The following HTR1F variants were observed in gnomAD, a reference collection of about 807,000 sequenced individuals.
The protein encoded by HTR1F is 5-hydroxytryptamine receptor 1F.
A neutral mutation model predicts 24.0 loss-of-function variants in HTR1F; 17 were observed. The observed-to-expected ratio is 0.71, with a 90% CI of 0.48 to 1.06. The LOEUF (loss-of-function observed/expected upper bound fraction) is 1.06, where lower values mean the gene tolerates loss of function less well. Among genes scored for constraint, HTR1F ranks in the 50% least tolerant of loss-of-function variants. The pLI is 0.00. For synonymous variants in HTR1F, 186 were observed against 156.8 expected, an observed-to-expected ratio of 1.19 and a Z score of -1.39; for missense variants, 391 against 427.8, an observed-to-expected ratio of 0.91 and a Z score of 0.76.
chr3:87,938,039 C>T (rs1704470768), intron 2 of HTR1F, among the ~76,000 whole-genome samples: 1 of 152,068 alleles, frequency 6.6e-6, no homozygotes, highest in Admixed American at 6.6e-5. Flanking sequence ...TGTAGACAGT[C>T]CCACAGTGTA....
chr3:87,906,292 C>T (rs1238286414), intron 2 of HTR1F, among the ~76,000 whole-genome samples: 3 of 151,932 alleles, frequency 2.0e-5, no homozygotes, highest in African/African-American at 7.3e-5. Context: ...TGATACCAAA[C>T]TGTATGTGTT....
intron 2 of HTR1F, among the ~76,000 whole-genome samples, chr3:87,989,158 A>T (rs1057207591): frequency 2.6e-5 from 4 of 152,202 alleles, no homozygotes; most frequent in African/African-American, 9.7e-5. Flanking sequence ...TTTATCAAAG[A>T]TATTAATTCT....
At chr3:87,889,644 G>A (rs1404854005) in intron 2 of HTR1F, among the ~76,000 whole-genome samples, 1 of 152,108 alleles carries the variant, frequency 6.6e-6, no homozygotes, top group African/African-American at 2.4e-5. Flanking sequence ...AGGCCGTCTT[G>A]CCTGATAATC....
intron 2 of HTR1F, among the ~76,000 whole-genome samples, chr3:87,958,537 A>G (rs1476828890): frequency 6.6e-6 from 1 of 151,564 alleles, no homozygotes; most frequent in Non-Finnish European, 1.5e-5. Flanking sequence ...ATTCTAAACA[A>G]ACACTCTTTG....
chr3:87,875,925 A>AT, intron 2 of HTR1F, among the ~76,000 whole-genome samples: 1 of 89,656 alleles, frequency 1.1e-5, no homozygotes, highest in East Asian at 3.3e-4. Flanking sequence ...CTCCGTCTCA[A>AT]AAAAAAAAAA....
intron 2 of HTR1F, among the ~76,000 whole-genome samples, chr3:87,889,505 A>T (rs941044576): frequency 1.3e-5 from 2 of 152,280 alleles, no homozygotes; most frequent in Middle Eastern, 3.4e-3. Flanking sequence ...CATAGAAAAC[A>T]TCTCTTTTTT....
At chr3:87,824,496 C>A (rs1258044638) in intron 2 of HTR1F, among the ~76,000 whole-genome samples, 1 of 152,206 alleles carries the variant, frequency 6.6e-6, no homozygotes, top group Non-Finnish European at 1.5e-5. Flanking sequence ...GTTTCTCTCT[C>A]TATTAGGAAA....
intron 2 of HTR1F, among the ~76,000 whole-genome samples, chr3:87,964,401 A>G (rs1387748122): frequency 6.6e-6 from 1 of 152,170 alleles, no homozygotes. Flanking sequence ...ATTTAGAGTT[A>G]ATCAACGTAG....
At chr3:87,963,353 A>C (rs1705100881) in intron 2 of HTR1F, among the ~76,000 whole-genome samples, 1 of 152,108 alleles carries the variant, frequency 6.6e-6, no homozygotes, top group African/African-American at 2.4e-5. Flanking sequence ...TCCTGCCACA[A>C]CTATCTCTAG....
intron 2 of HTR1F, among the ~76,000 whole-genome samples, chr3:87,900,671 T>C (rs1339353804): frequency 6.6e-6 from 1 of 152,096 alleles, no homozygotes; most frequent in Non-Finnish European, 1.5e-5. Flanking sequence ...CTGAATATAT[T>C]TTAAAGTTAG....
chr3:87,811,635 A>G (rs1272539639), intron 1 of HTR1F, among the ~76,000 whole-genome samples: 1 of 152,174 alleles, frequency 6.6e-6, no homozygotes, highest in East Asian at 1.9e-4. Context: ...TTGAGGAGAA[A>G]GAGGAAAAGC....
intron 2 of HTR1F, among the ~76,000 whole-genome samples, chr3:87,832,316 CTT>C (rs60414125): frequency 0.068 from 8,588 of 125,762 alleles, 342 homozygotes; most frequent in African/African-American, 0.2. Context: ...AATATCCCTT[CTT>C]TTTTTTTTTT....
intron 2 of HTR1F, among the ~76,000 whole-genome samples, chr3:87,862,474 T>C (rs1263698151): frequency 6.6e-6 from 1 of 152,210 alleles, no homozygotes; most frequent in Non-Finnish European, 1.5e-5. Flanking sequence ...CTACAGAATT[T>C]TGGGAGACAA....
chr3:87,916,988 A>G (rs1703908794), intron 2 of HTR1F, among the ~76,000 whole-genome samples: 1 of 152,158 alleles, frequency 6.6e-6, no homozygotes, highest in South Asian at 2.1e-4. Context: ...AATAATTTTA[A>G]GAAAACTGAA....
At chr3:87,882,943 A>G (rs2343775) in intron 2 of HTR1F, among the ~76,000 whole-genome samples, 120 of 152,306 alleles carry the variant, frequency 7.9e-4, no homozygotes, top group African/African-American at 2.8e-3. Context: ...TCTGAAGAGA[A>G]CAGTGGTCCT....
chr3:87,840,345 AT>A (rs1418412754), intron 2 of HTR1F, among the ~76,000 whole-genome samples: 1 of 152,200 alleles, frequency 6.6e-6, no homozygotes, highest in Non-Finnish European at 1.5e-5. Flanking sequence ...AACTGCAATT[AT>A]CAGAGAAATG....
rs575797526 is a variant in HTR1F, at chr3:87,959,401, G to A, written c.-42-31307G>A. The stretch of plus-strand genomic sequence containing the variant: ...CATTGCCAAAGTCTGGCAATTGAGA[G>A]CGCTTTGTTTTCAACCCATTGTATG... On this transcript the variant is annotated intron_variant, in intron 2 of 2. Coordinates refer to ENST00000319595, the MANE Select transcript of HTR1F (RefSeq NM_001322209.2). 3.3e-5 allele frequency among the ~76,000 whole-genome samples: 5 copies of A among 151,916 alleles called. No homozygotes were observed. In the South Asian group the frequency reaches 8.3e-4, roughly 25 times the overall value.
At chr3:87,805,774 A>G (rs1704063796) in intron 1 of HTR1F, among the ~76,000 whole-genome samples, 1 of 152,120 alleles carries the variant, frequency 6.6e-6, no homozygotes, top group Admixed American at 6.6e-5. Flanking sequence ...ACAAATCTGC[A>G]TATCCTGCAC....
At chr3:87,874,907 G>C (rs564033609) in intron 2 of HTR1F, among the ~76,000 whole-genome samples, 1 of 152,220 alleles carries the variant, frequency 6.6e-6, no homozygotes, top group East Asian at 1.9e-4. Flanking sequence ...CTCAACAAAT[G>C]ATGTTGCAAA....
Sources: allele counts gnomAD v4.1 joint callset (sites outside exome capture counted in the v4.1 genomes callset), GRCh38; gene constraint gnomAD v4.1.1; transcripts MANE v1.5; gene names NCBI Gene and HGNC (gene_info 2026-07-23, HGNC 2026-07-21).